Variants in TNRC18 observed in about 807,000 individuals in gnomAD.
TNRC18 encodes trinucleotide repeat-containing gene 18 protein.
Under a neutral mutation model 226.7 loss-of-function variants are expected in TNRC18, and 69 were observed. The ratio of observed to expected loss-of-function variants is 0.30; its 90% CI spans 0.25 to 0.37. The LOEUF (loss-of-function observed/expected upper bound fraction) is 0.37, where lower values mean the gene tolerates loss of function less well. Among genes scored for constraint, TNRC18 ranks in the 10% least tolerant of loss-of-function variants. The pLI, the probability that TNRC18 is intolerant of heterozygous loss-of-function variation, is 1.00. For synonymous variants in TNRC18, 2,449 were observed against 1,927.6 expected, an observed-to-expected ratio of 1.27 and a Z score of -7.09; for missense variants, 4,754 against 4,256.6, an observed-to-expected ratio of 1.12 and a Z score of -3.25.
Position 5,389,461 on chromosome 7 carries a change from G to GTTTTTTTTTTTTTTTTTTTTTTTTTT in TNRC18, c.488-126_488-125insAAAAAAAAAAAAAAAAAAAAAAAAAA, listed in dbSNP as rs754143983. ...TGCCTCCCCCAGTGTTTTGGTTTTG[G>GTTTTTTTTTTTTTTTTTTTTTTTTTT]TTTTTTTTTTCAGAAAGAGTCTCGC... is the stretch of plus-strand genomic sequence containing the variant. On this transcript the variant is annotated intron_variant, in intron 4 of 29. Transcript: ENST00000430969. The GTTTTTTTTTTTTTTTTTTTTTTTTTT allele has an allele frequency of 3.1e-4, 174 of 565,484 alleles. 6 individuals carry two copies. In the African/African-American group the frequency reaches 4.4e-3, roughly 14 times the overall value. The allele number at this position is 565,484 out of a possible 1,614,324, so 35.0% of individuals were successfully genotyped here. A position where few individuals can be genotyped will look rare whatever the true frequency, so the allele number is the denominator to read the frequency against.
At chr7:5,369,098 A>G (rs1793913770) in intron 11 of TNRC18, among the ~76,000 whole-genome samples, 1 of 152,194 alleles carries the variant, frequency 6.6e-6, no homozygotes, top group South Asian at 2.1e-4. Flanking sequence ...CTGTAATCCC[A>G]GCACTTTGGG....
At chr7:5,358,945 C>A (rs1485242913) in intron 15 of TNRC18, among the ~76,000 whole-genome samples, 1 of 152,226 alleles carries the variant, frequency 6.6e-6, no homozygotes. Context: ...TAAGAAGAAT[C>A]AAGGAGTTGG....
In TNRC18 at chr7:5,315,102, G is replaced by C. The variant is rs1283045866; in HGVS notation, c.6909C>G (p.Arg2303=). The C allele has an allele frequency of 6.2e-7, 1 of 1,613,048 alleles. No homozygotes were observed. The highest frequency in any genetic ancestry group is 8.5e-7 in the Non-Finnish European group (1 of 1,179,712). Residue 2303 remains arginine (R), a synonymous_variant, in exon 26 of 30, where the codon CGC becomes CGG. Coordinates refer to ENST00000430969, the MANE Select transcript of TNRC18 (RefSeq NM_001080495.3). The stretch of plus-strand genomic sequence containing the variant: ...CAGTGTCTTTGCTGGTCTTCCGGCT[G>C]CGGCGCTTGGCACTTGGCACCAGAA... ...PALLVPSAKR[R]SRKTSKDTGE...
At chr7:5,403,113 T>C (rs1296420501) in intron 2 of TNRC18, among the ~76,000 whole-genome samples, 1 of 151,818 alleles carries the variant, frequency 6.6e-6, no homozygotes, top group African/African-American at 2.4e-5. Context: ...AGGTTGCACA[T>C]TTTCAATCCC....
rs552430252 is a variant in TNRC18, at chr7:5,394,121, T to C, written c.343+319A>G. Among the ~76,000 whole-genome samples, 175 of 152,158 alleles carry C rather than the reference T, an allele frequency of 1.2e-3. No homozygotes were observed. The highest frequency in any genetic ancestry group is 3.7e-3 in the African/African-American group (155 of 41,506). ...GGTGGGAAAGCGGGTAGTTCATGAA[T>C]GATGAGATAATCTGTCGTCACAAGC... is the stretch of plus-strand genomic sequence containing the variant. On this transcript the variant is annotated intron_variant, in intron 3 of 29. Coordinates refer to ENST00000430969, the MANE Select transcript of TNRC18 (RefSeq NM_001080495.3). This position sits in a 1 kb window ranked among gnomAD's most constrained non-coding sequence, Gnocchi z 4.5.
At chr7:5,346,373 G>A (rs138963269) in intron 17 of TNRC18, among the ~76,000 whole-genome samples, 299 of 152,296 alleles carry the variant, frequency 2.0e-3, no homozygotes, top group African/African-American at 5.6e-3. Context: ...TTTCAGCCCC[G>A]AGAAGGGATC....
intron 18 of TNRC18, among the ~76,000 whole-genome samples, chr7:5,339,522 G>A (rs531405055): frequency 5.8e-4 from 87 of 150,274 alleles, no homozygotes; most frequent in Middle Eastern, 3.4e-3. Context: ...TTACAGGCGC[G>A]AGCTATCGTG....
At chr7:5,356,407 C>T (rs1792382523) in intron 16 of TNRC18, among the ~76,000 whole-genome samples, 1 of 152,172 alleles carries the variant, frequency 6.6e-6, no homozygotes, top group African/African-American at 2.4e-5. Context: ...TAGCCGAGCA[C>T]GGTGGGCGCT....
intron 2 of TNRC18, among the ~76,000 whole-genome samples, chr7:5,399,257 T>G (rs1375739437): frequency 6.6e-6 from 1 of 152,166 alleles, no homozygotes; most frequent in African/African-American, 2.4e-5. Flanking sequence ...AAGACTTGAC[T>G]GGAATCCCTC....
intron 17 of TNRC18, among the ~76,000 whole-genome samples, chr7:5,349,894 AG>A (rs1226103518): frequency 6.6e-6 from 1 of 150,606 alleles, no homozygotes; most frequent in Non-Finnish European, 1.5e-5. Context: ...GCGGGGGTGG[AG>A]GGGGGCACTG....
rs1003850863 is a variant in TNRC18, at chr7:5,371,337, G to T, written c.3257C>A (p.Ala1086Asp). 4 of 1,519,366 alleles carry T rather than the reference G, an allele frequency of 2.6e-6. No homozygotes were observed. Among genetic ancestry groups the T allele is most frequent in the Non-Finnish European group, 2.6e-6 (3 of 1,139,422 alleles). 94.1% of individuals were successfully genotyped at this position (1,519,366 alleles called of 1,614,324 possible). ...SDIPPRYPFQ[A>D]LPPHYGRPYP... ...GGGCCTCCCGTAGTGCGGTGGCAGG[G>T]CTTGGAACGGGTACCTGGGCGGGAT... Residue 1086 changes from alanine to aspartate, a missense_variant, in exon 11 of 30, where the codon GCC (alanine) becomes GAC (aspartate). Coordinates refer to ENST00000430969, the MANE Select transcript of TNRC18 (RefSeq NM_001080495.3).
At chr7:5,351,113 C>G (rs1342169445) in intron 17 of TNRC18, among the ~76,000 whole-genome samples, 1 of 151,932 alleles carries the variant, frequency 6.6e-6, no homozygotes, top group Admixed American at 6.6e-5. Flanking sequence ...AAATGAATGC[C>G]AATCGCTACC....
chr7:5,321,249 C>A, intron 21 of TNRC18, 59 bp from the exon 22 acceptor site: 1 of 1,257,354 alleles, frequency 8.0e-7, no homozygotes, highest in Non-Finnish European at 1.1e-6. Context: ...ACACCTCTCC[C>A]TCCTCCCGTT....
In TNRC18 at chr7:5,351,864, C is replaced by T; in HGVS notation, c.5425G>A (p.Ala1809Thr). The change falls in exon 17 of 30, where the codon GCG (alanine) becomes ACG (threonine). Residue 1809 changes from alanine (A) to threonine (T), a missense_variant. Physicochemically the swap from Ala to Thr is moderately conservative, Grantham distance 58 (BLOSUM62 0). Transcript: ENST00000430969. ...GAAGAGTCGCTGAAGGAGGAACGCG[C>T]CTCGGCCTCTCGAAGCAGCAGACAA... ...PFCLLLREAE[A>T]RSSFSDSSEE... The T allele has an allele frequency of 2.5e-6, 4 of 1,612,214 alleles. No individual in the cohort carries two copies. The highest frequency in any genetic ancestry group is 3.4e-6 in the Non-Finnish European group (4 of 1,179,122).
intron 18 of TNRC18, among the ~76,000 whole-genome samples, chr7:5,336,077 T>C (rs966879972): frequency 3.3e-5 from 5 of 152,046 alleles, no homozygotes; most frequent in Middle Eastern, 3.4e-3. Context: ...CGTGGTGGCA[T>C]GCATCTGTAA....
intron 5 of TNRC18, among the ~76,000 whole-genome samples, chr7:5,384,030 T>C (rs1211303170): frequency 1.4e-5 from 2 of 139,054 alleles, no homozygotes; most frequent in Admixed American, 8.1e-5. Context: ...AATGGCACGA[T>C]CTCAGCTCAC....
At position 5,356,631 on chromosome 7, in the gene TNRC18, G is replaced by C. The variant is rs556216504; in HGVS notation, c.5194+285C>G. On this transcript the variant is annotated intron_variant, in intron 16 of 29. Coordinates refer to ENST00000430969, the MANE Select transcript of TNRC18 (RefSeq NM_001080495.3). ...GGCAAATGGCGGGCGGGCAAGACAG[G>C]GCCGGCGGAGGTCGGCTCCCAACCG... is the stretch of plus-strand genomic sequence containing the variant. Among the ~76,000 whole-genome samples the C allele has an allele frequency of 2.3e-3, 354 of 152,290 alleles. 5 individuals carry two copies. Among genetic ancestry groups the C allele is most frequent in the African/African-American group, 7.9e-3 (329 of 41,576 alleles).
chr7:5,383,138 A>T (rs76465274), intron 5 of TNRC18, among the ~76,000 whole-genome samples: 26,769 of 152,066 alleles, frequency 0.18, 4,060 homozygotes, highest in African/African-American at 0.41. Flanking sequence ...CCTGAGCTCA[A>T]GCGATCTGCC....
Position 5,345,907 on chromosome 7 carries a change from C to A in TNRC18, c.5471-97G>T, listed in dbSNP as rs907617288. Reference sequence around the variant, plus strand: ...CCCAGAGTGGCCTCTGGGCTCCAGCCTAGTCCCTCAGTCCTGAGCAGGGGG... The same window carrying A: ...CCCAGAGTGGCCTCTGGGCTCCAGCATAGTCCCTCAGTCCTGAGCAGGGGG... On this transcript the variant is annotated intron_variant, in intron 17 of 29. Transcript: ENST00000430969. 49 of 1,457,602 alleles carry A rather than the reference C, an allele frequency of 3.4e-5. No homozygotes were observed. In the African/African-American group the frequency reaches 6.5e-4, roughly 19 times the overall value. 90.3% of individuals were successfully genotyped at this position (1,457,602 alleles called of 1,614,324 possible). A position where few individuals can be genotyped will look rare whatever the true frequency, so the allele number is the denominator to read the frequency against.
Sources: gnomAD v4.1 joint callset for allele counts (sites outside exome capture counted in the v4.1 genomes callset) on GRCh38, gnomAD v4.1.1 for gene constraint, Gnocchi (gnomAD v3.1) non-coding constraint, MANE v1.5 for transcripts, NCBI Gene and HGNC (gene_info 2026-07-23, HGNC 2026-07-21) for gene names.